Variants in DLC1 observed in about 807,000 individuals in gnomAD.
DLC1 encodes rho GTPase-activating protein 7.
A neutral mutation model predicts 140.3 loss-of-function variants in DLC1; 54 were observed. That is an observed-to-expected ratio of 0.38 (90% CI 0.31 to 0.48). The LOEUF (loss-of-function observed/expected upper bound fraction) is 0.48. Ranked by LOEUF, DLC1 falls within the 20% of genes least tolerant of loss-of-function variation. The pLI is 0.96. For missense variants in DLC1, 2,536 were observed against 1,907.0 expected, an observed-to-expected ratio of 1.33 and a Z score of -6.14; for synonymous variants, 986 against 728.1, an observed-to-expected ratio of 1.35 and a Z score of -5.70.
At chr8:13,386,198 T>C (rs1429614055) in intron 4 of DLC1, among the ~76,000 whole-genome samples, 1 of 152,170 alleles carries the variant, frequency 6.6e-6, no homozygotes, top group Non-Finnish European at 1.5e-5. Context: ...AGTCTTAGGT[T>C]GCAGGAATGA....
chr8:13,457,095 T>C (rs1272684694), intron 2 of DLC1, among the ~76,000 whole-genome samples: 2 of 152,202 alleles, frequency 1.3e-5, no homozygotes, highest in East Asian at 1.9e-4. Flanking sequence ...GTCGGCCTTT[T>C]GGTTGCACTT....
chr8:13,352,368 A>AT (rs917896854), intron 4 of DLC1, among the ~76,000 whole-genome samples: 1 of 151,966 alleles, frequency 6.6e-6, no homozygotes, highest in African/African-American at 2.4e-5. Flanking sequence ...TTTATTTTGT[A>AT]TTTTTTTACG....
At chr8:13,387,154 A>G (rs955670622) in intron 4 of DLC1, among the ~76,000 whole-genome samples, 1 of 152,038 alleles carries the variant, frequency 6.6e-6, no homozygotes, top group Admixed American at 6.5e-5. Context: ...TCCTCAGGAT[A>G]TGAAAGCTAA....
intron 1 of DLC1, among the ~76,000 whole-genome samples, chr8:13,504,570 G>A (rs529234064): frequency 1.3e-5 from 2 of 152,310 alleles, no homozygotes; most frequent in South Asian, 4.1e-4. Context: ...AAGAAATGTC[G>A]TTGTGAATTT....
At chr8:13,229,126 C>G (rs1261903936) in intron 5 of DLC1, among the ~76,000 whole-genome samples, 1 of 152,172 alleles carries the variant, frequency 6.6e-6, no homozygotes, top group Non-Finnish European at 1.5e-5. Flanking sequence ...ACAGTCCATA[C>G]CCAAACGTTC....
chr8:13,307,041 A>G (rs1586106003), intron 4 of DLC1, among the ~76,000 whole-genome samples: 1 of 131,668 alleles, frequency 7.6e-6, no homozygotes, highest in African/African-American at 2.8e-5. Context: ...CCGAGACCAC[A>G]CCATTGCACT....
chr8:13,320,905 C>G (rs1218940941), intron 4 of DLC1, among the ~76,000 whole-genome samples: 2 of 152,128 alleles, frequency 1.3e-5, no homozygotes, highest in African/African-American at 2.4e-5. Context: ...CCCCAGCTGT[C>G]TTTTGCTTCC....
intron 2 of DLC1, among the ~76,000 whole-genome samples, chr8:13,496,589 CACACACAT>C (rs1801513818): frequency 1.5e-5 from 2 of 129,086 alleles, no homozygotes; most frequent in Non-Finnish European, 1.8e-5. Context: ...CACACACACA[CACACACAT>C]ACCTACACAC....
chr8:13,301,049 G>A (rs116086501), intron 5 of DLC1, among the ~76,000 whole-genome samples: 4,719 of 152,262 alleles, frequency 0.031, 122 homozygotes, highest in African/African-American at 0.07. Context: ...GGAGAACCCA[G>A]GCGCCTAGCT....
In DLC1 at chr8:13,396,581, C is replaced by G. The variant is rs148448249; in HGVS notation, c.1174-2888G>C. ...TCACACGAGAGATGGTGGGTGAAGC[C>G]AAGGCTTAAGGTAAATAACTTGACC... On this transcript the variant is annotated intron_variant, in intron 3 of 17. Coordinates refer to ENST00000276297, the MANE Select transcript of DLC1 (RefSeq NM_182643.3). 1.7e-3 allele frequency among the ~76,000 whole-genome samples: 253 copies of G among 152,128 alleles called. 12 individuals are homozygous for G. The East Asian group carries it at 0.046, about 28-fold the overall frequency.
intron 5 of DLC1, among the ~76,000 whole-genome samples, chr8:13,208,737 T>TAC (rs1365174199): frequency 9.6e-6 from 1 of 104,530 alleles, no homozygotes; most frequent in South Asian, 2.9e-4. Flanking sequence ...CACACACACA[T>TAC]ACACACAGAC....
intron 1 of DLC1, among the ~76,000 whole-genome samples, chr8:13,600,829 C>A (rs928102563): frequency 2.0e-4 from 30 of 151,760 alleles, no homozygotes; most frequent in African/African-American, 7.0e-4. Flanking sequence ...ATAAGCAAAA[C>A]TGATCAGGGC....
chr8:13,173,595 C>G (rs779174419), intron 5 of DLC1, among the ~76,000 whole-genome samples: 2 of 152,184 alleles, frequency 1.3e-5, no homozygotes, highest in Non-Finnish European at 2.9e-5. Flanking sequence ...TGGCCTCGAT[C>G]TCCTGACCTC....
rs117704418 is a variant in DLC1, at chr8:13,177,430, T to C, written c.1349-61773A>G. The stretch of plus-strand genomic sequence containing the variant: ...AACTATAGAGAACTAAAAGAACCCT[T>C]ATGTTATTTAAATATAGCACTTCTC... On this transcript the variant is annotated intron_variant, in intron 5 of 17. Coordinates refer to ENST00000276297, the MANE Select transcript of DLC1 (RefSeq NM_182643.3). Among the ~76,000 whole-genome samples, 901 of 152,350 alleles carry C rather than the reference T, an allele frequency of 5.9e-3. 5 individuals are homozygous for C. The highest frequency in any genetic ancestry group is 9.5e-3 in the Non-Finnish European group (643 of 68,024).
chr8:13,132,144 T>TCCCCAAGGGATG (rs956953809), intron 5 of DLC1, among the ~76,000 whole-genome samples: 3 of 150,952 alleles, frequency 2.0e-5, no homozygotes, highest in African/African-American at 7.3e-5. Flanking sequence ...GGGGTGGGCA[T>TCCCCAAGGGATG]CCCCAAGGGG....
At chr8:13,108,100 C>A (rs889021476) in intron 7 of DLC1, among the ~76,000 whole-genome samples, 1 of 152,036 alleles carries the variant, frequency 6.6e-6, no homozygotes, top group Non-Finnish European at 1.5e-5. Context: ...CGATAGAGGT[C>A]CCTTTTCTTC....
intron 5 of DLC1, among the ~76,000 whole-genome samples, chr8:13,148,986 G>C (rs748439121): frequency 6.6e-6 from 1 of 152,064 alleles, no homozygotes; most frequent in East Asian, 1.9e-4. Context: ...TAGAGACAGG[G>C]TTTCTCCGTG....
chr8:13,303,745 T>G (rs1044872624), intron 5 of DLC1, among the ~76,000 whole-genome samples: 4 of 152,074 alleles, frequency 2.6e-5, no homozygotes, highest in African/African-American at 9.7e-5. Context: ...GAGGTTGCAG[T>G]GAGCCAAGAT....
At chr8:13,435,019 A>G (rs1239415613) in intron 2 of DLC1, among the ~76,000 whole-genome samples, 1 of 152,166 alleles carries the variant, frequency 6.6e-6, no homozygotes, top group Admixed American at 6.5e-5. Context: ...TTGTAAGGCT[A>G]TAGCTGCCAT....
Sources: allele counts gnomAD v4.1 joint callset (sites outside exome capture counted in the v4.1 genomes callset), GRCh38; gene constraint gnomAD v4.1.1; transcripts MANE v1.5; gene names NCBI Gene and HGNC (gene_info 2026-07-23, HGNC 2026-07-21).